The following FBXL20 variants were observed in gnomAD, a reference collection of about 807,000 sequenced individuals.
The protein encoded by FBXL20 is F-box/LRR-repeat protein 20.
A neutral mutation model predicts 64.0 loss-of-function variants in FBXL20; 11 were observed. The observed-to-expected ratio is 0.17, with a 90% CI of 0.11 to 0.28. FBXL20 has a LOEUF of 0.28. Ranked by LOEUF, FBXL20 falls within the 10% of genes least tolerant of loss-of-function variation. The pLI is 1.00. For synonymous variants in FBXL20, 184 were observed against 189.0 expected, an observed-to-expected ratio of 0.97 and a Z score of 0.22; for missense variants, 303 against 526.2, an observed-to-expected ratio of 0.58 and a Z score of 4.15.
At position 39,255,136 on chromosome 17, in the gene FBXL20, T is replaced by TA. The variant is rs1055269204; in HGVS notation, c.*6323dup. On this transcript the variant is annotated 3_prime_UTR_variant, in exon 15 of 15. Transcript: ENST00000264658. ...TTCAGAGACACTGAATTGATGCGTC[T>TA]AAAAAAAATAGATACAACGGGCCGG... 34 of 151,976 alleles carry TA rather than the reference T, an allele frequency of 2.2e-4. No individual in the cohort carries two copies. The highest frequency in any genetic ancestry group is 7.7e-4 in the African/African-American group (32 of 41,390). 9.4% of individuals were successfully genotyped at this position (151,976 alleles called of 1,614,324 possible).
At chr17:39,314,721 G>T (rs552650806) in intron 2 of FBXL20, among the ~76,000 whole-genome samples, 2 of 151,834 alleles carry the variant, frequency 1.3e-5, no homozygotes, top group South Asian at 2.1e-4. Flanking sequence ...TTCCACAGTG[G>T]CTGTACCAGT....
intron 14 of FBXL20, among the ~76,000 whole-genome samples, 162 bp from the exon 15 acceptor site, chr17:39,261,729 T>G (rs1038802777): frequency 1.3e-5 from 2 of 152,002 alleles, no homozygotes; most frequent in African/African-American, 4.8e-5. Context: ...CTTTGTTCCA[T>G]CCTAGGTTGT....
chr17:39,331,362 G>A (rs982924517), intron 2 of FBXL20, among the ~76,000 whole-genome samples: 15 of 152,174 alleles, frequency 9.9e-5, no homozygotes, highest in Non-Finnish European at 1.9e-4. Context: ...CGGCCTCCCA[G>A]AGTGCTGGGA....
At chr17:39,401,160 G>A (rs1311511553) in intron 1 of FBXL20, among the ~76,000 whole-genome samples, 2 of 152,178 alleles carry the variant, frequency 1.3e-5, no homozygotes, top group Non-Finnish European at 2.9e-5. Context: ...GAAGAGACGG[G>A]GGGCGAACCG....
chr17:39,370,902 T>C (rs1339745842), intron 1 of FBXL20, among the ~76,000 whole-genome samples: 5 of 152,048 alleles, frequency 3.3e-5, no homozygotes. Context: ...TCCTAGAACC[T>C]GTCTTATAGA....
chr17:39,328,501 T>C (rs1009708357), intron 2 of FBXL20, among the ~76,000 whole-genome samples: 2 of 152,034 alleles, frequency 1.3e-5, no homozygotes, highest in African/African-American at 4.8e-5. Context: ...AGTTTGAGCA[T>C]CAAAATAATG....
chr17:39,397,525 T>G (rs999604277), intron 1 of FBXL20, among the ~76,000 whole-genome samples: 4 of 152,086 alleles, frequency 2.6e-5, no homozygotes, highest in Admixed American at 6.6e-5. Flanking sequence ...TACATCCTCA[T>G]AAAGAAGCTA....
At chr17:39,264,414 T>A in intron 13 of FBXL20, 27 bp from the exon 14 acceptor site, 1 of 1,603,866 alleles carries the variant, frequency 6.2e-7, no homozygotes, top group Non-Finnish European at 8.5e-7. Flanking sequence ...CAAGGAAGGA[T>A]GTTGAAATAT....
intron 1 of FBXL20, among the ~76,000 whole-genome samples, chr17:39,397,777 T>C (rs977563680): frequency 2.0e-5 from 3 of 151,584 alleles, no homozygotes; most frequent in African/African-American, 4.8e-5. Flanking sequence ...TGGATGAACT[T>C]TGGAAAAGCT....
intron 6 of FBXL20, among the ~76,000 whole-genome samples, chr17:39,295,806 T>TATATATA (rs202244214): frequency 6.7e-6 from 1 of 149,388 alleles, no homozygotes; most frequent in Admixed American, 6.7e-5. Flanking sequence ...TATATATATA[T>TATATATA]TAAGTCTTCT....
chr17:39,306,154 CT>C (rs113757275), intron 2 of FBXL20, among the ~76,000 whole-genome samples: 267 of 140,606 alleles, frequency 1.9e-3, no homozygotes, highest in Middle Eastern at 7.4e-3. Context: ...AGAGTGAGTT[CT>C]TTTTTTTTTT....
chr17:39,292,208 T>C (rs1321827451), intron 6 of FBXL20, among the ~76,000 whole-genome samples: 2 of 150,674 alleles, frequency 1.3e-5, no homozygotes, highest in Non-Finnish European at 2.9e-5. Flanking sequence ...AGGGGTACTA[T>C]TTAATACCTT....
intron 9 of FBXL20, among the ~76,000 whole-genome samples, chr17:39,276,544 CT>C (rs1397634882): frequency 1.3e-5 from 2 of 152,010 alleles, no homozygotes; most frequent in African/African-American, 4.8e-5. Flanking sequence ...TGGCGGATGC[CT>C]GTAATCCCAG....
intron 1 of FBXL20, among the ~76,000 whole-genome samples, chr17:39,377,933 C>T (rs369605566): frequency 4.6e-5 from 7 of 152,210 alleles, no homozygotes; most frequent in African/African-American, 1.7e-4. Context: ...GGATGGCTTG[C>T]ACCTGGGAGT....
At chr17:39,380,527 C>T (rs1363653590) in intron 1 of FBXL20, among the ~76,000 whole-genome samples, 1 of 152,182 alleles carries the variant, frequency 6.6e-6, no homozygotes. Flanking sequence ...ATTTCATTAA[C>T]TCTGCTCAAA....
intron 1 of FBXL20, among the ~76,000 whole-genome samples, chr17:39,369,343 C>G (rs2047892678): frequency 6.7e-6 from 1 of 149,448 alleles, no homozygotes; most frequent in African/African-American, 2.5e-5. Flanking sequence ...TTGCAAACTC[C>G]ACCTCCTGGG....
chr17:39,390,382 GAAACCCC>G (rs2048122835), intron 1 of FBXL20, among the ~76,000 whole-genome samples: 1 of 151,940 alleles, frequency 6.6e-6, no homozygotes, highest in Non-Finnish European at 1.5e-5. Context: ...CCAACATGGT[GAAACCCC>G]GTTTCTACTA....
intron 6 of FBXL20, among the ~76,000 whole-genome samples, chr17:39,290,906 GCTTA>G (rs2047031851): frequency 6.6e-6 from 1 of 151,670 alleles, no homozygotes; most frequent in Non-Finnish European, 1.5e-5. Context: ...GGTTAATCAA[GCTTA>G]TTCATTTTAT....
chr17:39,375,603 G>C (rs899661924), intron 1 of FBXL20, among the ~76,000 whole-genome samples: 15 of 152,100 alleles, frequency 9.9e-5, no homozygotes, highest in Non-Finnish European at 2.2e-4. Context: ...ACCCTGACTT[G>C]ATCATTACAC....
Sources: allele counts gnomAD v4.1 joint callset (sites outside exome capture counted in the v4.1 genomes callset), GRCh38; gene constraint gnomAD v4.1.1; transcripts MANE v1.5; gene names NCBI Gene and HGNC (gene_info 2026-07-23, HGNC 2026-07-21).